The following PTPN4 variants were observed in gnomAD, a reference collection of about 807,000 sequenced individuals.
The protein encoded by PTPN4 is protein tyrosine phosphatase non-receptor type 4.
PTPN4 carries 49 observed loss-of-function variants against 135.5 expected under a neutral mutation model. That is an observed-to-expected ratio of 0.36 (90% CI 0.29 to 0.46). The LOEUF (loss-of-function observed/expected upper bound fraction) is 0.46. Among genes scored for constraint, PTPN4 ranks in the 20% least tolerant of loss-of-function variants. The pLI is 1.00. For synonymous variants in PTPN4, 333 were observed against 369.9 expected, an observed-to-expected ratio of 0.90 and a Z score of 1.14; for missense variants, 860 against 1,101.0, an observed-to-expected ratio of 0.78 and a Z score of 3.10.
At chr2:119,934,734 A>G in intron 14 of PTPN4, 66 bp from the exon 15 acceptor site, 1 of 1,502,886 alleles carries the variant, frequency 6.7e-7, no homozygotes, top group East Asian at 2.3e-5. Context: ...GTAACCATAT[A>G]TTAAGAAACT....
chr2:119,815,253 G>C (rs910742002), intron 2 of PTPN4, among the ~76,000 whole-genome samples: 7 of 152,124 alleles, frequency 4.6e-5, no homozygotes, highest in African/African-American at 7.2e-5. Context: ...TTCTTTCTTT[G>C]TTAAGAGAGA....
At chr2:119,797,408 C>T (rs1166241512) in intron 1 of PTPN4, among the ~76,000 whole-genome samples, 1 of 152,066 alleles carries the variant, frequency 6.6e-6, no homozygotes, top group African/African-American at 2.4e-5. Flanking sequence ...AGATATACTC[C>T]CCTATGGTGA....
chr2:119,824,718 C>T (rs568359944), intron 2 of PTPN4, among the ~76,000 whole-genome samples: 1 of 152,114 alleles, frequency 6.6e-6, no homozygotes, highest in Non-Finnish European at 1.5e-5. Context: ...GATAGAGTCT[C>T]GCTATGTCTG....
rs749589573 is a variant in PTPN4 at position 119,932,531 on chromosome 2, C to T, written c.1178C>T (p.Pro393Leu). 2 of 1,610,304 alleles carry T rather than the reference C, an allele frequency of 1.2e-6. No homozygotes were observed. The highest frequency in any genetic ancestry group is 2.2e-5 in the South Asian group (2 of 90,156). The part of the protein sequence containing the change: ...LETQSLPSRS[P>L]PGTPNHRNST... ...ACACAAAGTCTTCCATCACGATCTC[C>T]ACCGGGAACTCCTAATCAGTAAGTG... The change falls in exon 14 of 27, where the codon CCA (proline) becomes CTA (leucine). Residue 393 changes from proline (P) to leucine (L), a missense_variant. Pro to Leu is a moderately conservative substitution (Grantham distance 98, BLOSUM62 -3). This residue lies in a region of PTPN4 where 684 missense variants were observed against 807.0 expected (regional missense o/e 0.85). Coordinates refer to ENST00000263708, the MANE Select transcript of PTPN4 (RefSeq NM_002830.4).
At chr2:119,955,778 A>G (rs1309250575) in intron 20 of PTPN4, among the ~76,000 whole-genome samples, 1 of 152,028 alleles carries the variant, frequency 6.6e-6, no homozygotes, top group Non-Finnish European at 1.5e-5. Context: ...TCTACTAAAA[A>G]TACAAAAAAT....
chr2:119,812,177 T>A (rs1676896731), intron 2 of PTPN4, among the ~76,000 whole-genome samples: 2 of 152,218 alleles, frequency 1.3e-5, no homozygotes, highest in African/African-American at 4.8e-5. Context: ...TGAATAGATC[T>A]CCAGTTATGT....
intron 2 of PTPN4, among the ~76,000 whole-genome samples, chr2:119,845,097 T>G (rs1320001125): frequency 6.7e-6 from 1 of 148,954 alleles, no homozygotes; most frequent in Non-Finnish European, 1.5e-5. Flanking sequence ...CCAAAACCAG[T>G]CAGGCGTGGC....
intron 10 of PTPN4, among the ~76,000 whole-genome samples, chr2:119,902,104 T>A (rs934368712): frequency 2.0e-5 from 3 of 152,174 alleles, no homozygotes; most frequent in African/African-American, 2.4e-5. Context: ...GCAGGTTAAA[T>A]AACCCAAAAA....
chr2:119,770,343 G>T lies in PTPN4; in HGVS notation c.-18+9959G>T, dbSNP rs190082012. The stretch of plus-strand genomic sequence containing the variant: ...GTATATTACCATAATTCTCAGACTT[G>T]TCATTTTAAAATTGTATTTAAATTG... On this transcript the variant is annotated intron_variant, in intron 1 of 26. Coordinates refer to ENST00000263708, the MANE Select transcript of PTPN4 (RefSeq NM_002830.4). Among the ~76,000 whole-genome samples the T allele has an allele frequency of 4.1e-3, 630 of 152,250 alleles. 1 individual carries two copies. The highest frequency in any genetic ancestry group is 0.01 in the Middle Eastern group (3 of 292).
Position 119,881,786 on chromosome 2 carries a change from G to T in PTPN4, c.369G>T (p.Arg123Ser). The change falls in exon 6 of 27, where the codon AGG becomes AGT. Residue 123 changes from arginine (R) to serine (S), a missense_variant and splice_region_variant. Physicochemically the swap from Arg to Ser is moderately radical, Grantham distance 110 (BLOSUM62 -1). This residue lies in a region of PTPN4 where 684 missense variants were observed against 807.0 expected (regional missense o/e 0.85). Coordinates refer to ENST00000263708, the MANE Select transcript of PTPN4 (RefSeq NM_002830.4). ...DPNKLQEEYT[R>S]YQYFLQIKQD... ...TCCTTTTTGTTTGTTTGTTTTTAAG[G>T]TACCAGTATTTTTTGCAAATTAAAC... The T allele has an allele frequency of 6.4e-7, 1 of 1,551,650 alleles. No individual in the cohort carries two copies.
intron 2 of PTPN4, among the ~76,000 whole-genome samples, chr2:119,861,596 A>G (rs1330270825): frequency 2.0e-5 from 3 of 152,174 alleles, no homozygotes; most frequent in Non-Finnish European, 4.4e-5. Context: ...ATATCTTTCT[A>G]CCATGTTAGC....
Position 119,831,932 on chromosome 2 carries a change from G to A in PTPN4, c.138+21941G>A, listed in dbSNP as rs565782137. Among the ~76,000 whole-genome samples the A allele has an allele frequency of 4.2e-4, 64 of 152,204 alleles. No homozygotes were observed. The South Asian group carries it at 6.6e-3, about 16-fold the overall frequency. On this transcript the variant is annotated intron_variant, in intron 2 of 26. Transcript: ENST00000263708. ...TTTTTCACTTGGGTTTTCTGACTACGTCATAGTAAGTTCTCAACAGACAGA... is the reference window on the plus strand; with the variant it reads ...TTTTTCACTTGGGTTTTCTGACTACATCATAGTAAGTTCTCAACAGACAGA...
At chr2:119,761,328 T>G (rs1052711385) in intron 1 of PTPN4, among the ~76,000 whole-genome samples, 4 of 152,138 alleles carry the variant, frequency 2.6e-5, no homozygotes, top group Non-Finnish European at 5.9e-5. Flanking sequence ...TTTCTGAACT[T>G]TAACGTGCCA....
chr2:119,881,239 C>A (rs1375193234), intron 5 of PTPN4, among the ~76,000 whole-genome samples: 2 of 152,294 alleles, frequency 1.3e-5, no homozygotes, highest in African/African-American at 4.8e-5. Flanking sequence ...AAGTATTCTT[C>A]CCCTGCCCCG....
Position 119,856,094 on chromosome 2 carries a change from G to A in PTPN4, c.139-6442G>A, listed in dbSNP as rs757322736. 5.3e-5 allele frequency among the ~76,000 whole-genome samples: 8 copies of A among 152,090 alleles called. 1 individual carries two copies. In the East Asian group the frequency reaches 5.8e-4, roughly 11 times the overall value. ...GCTGGTATTACAGGCATGAGCCACC[G>A]CGCCCAGCCTATGTAATTCTTTACA... On this transcript the variant is annotated intron_variant, in intron 2 of 26. Transcript: ENST00000263708.
rs551327780 is a variant in PTPN4, at chr2:119,862,291, GA to G, written c.139-241del. On this transcript the variant is annotated intron_variant, in intron 2 of 26. Transcript: ENST00000263708. ...TTTTTCTCAACCAAGTCATTGGTAT[GA>G]AAACAGTTACCAAGTTAACCCATTT... 2.2e-4 allele frequency among the ~76,000 whole-genome samples: 34 copies of G among 152,272 alleles called. No individual in the cohort carries two copies. In the South Asian group the frequency reaches 6.4e-3, roughly 29 times the overall value.
Position 119,967,854 on chromosome 2 carries a change from C to T in PTPN4, c.2576C>T (p.Thr859Ile). ...VVHCSAGIGR[T>I]GVLITMETAM... ...TTTTTTAGTGCTGGAATCGGAAGAA[C>T]TGGGGTTCTTATTACTATGGAAACA... Residue 859 changes from threonine to isoleucine, a missense_variant, in exon 26 of 27, where the codon ACT becomes ATT. Thr to Ile is a moderately conservative substitution (Grantham distance 89). This residue lies in a region of PTPN4 where 176 missense variants were observed against 294.1 expected (regional missense o/e 0.60). Coordinates refer to ENST00000263708, the MANE Select transcript of PTPN4 (RefSeq NM_002830.4). 6.2e-7 allele frequency: 1 copy of T among 1,606,310 alleles called. No homozygotes were observed. The highest frequency in any genetic ancestry group is 8.5e-7 in the Non-Finnish European group (1 of 1,175,100).
At chr2:119,877,625 T>C (rs1678004556) in intron 5 of PTPN4, 83 bp downstream of exon 5, 11 of 1,464,800 alleles carry the variant, frequency 7.5e-6, no homozygotes, top group Non-Finnish European at 1.0e-5. Flanking sequence ...AAAAAGAAAT[T>C]ACTGTGGTGT....
intron 2 of PTPN4, among the ~76,000 whole-genome samples, chr2:119,837,762 T>G (rs544278931): frequency 5.9e-5 from 9 of 152,146 alleles, no homozygotes; most frequent in African/African-American, 1.9e-4. Flanking sequence ...GGTTCTTGTG[T>G]TCCTGGCATC....
Sources: gnomAD v4.1 joint callset for allele counts (sites outside exome capture counted in the v4.1 genomes callset) on GRCh38, gnomAD v4.1.1 for gene constraint, gnomAD v4.1.1 regional missense constraint, MANE v1.5 for transcripts, NCBI Gene and HGNC (gene_info 2026-07-23, HGNC 2026-07-21) for gene names.